Variants in SLC30A6 observed in about 807,000 individuals in gnomAD.
SLC30A6 encodes solute carrier family 30 member 6.
A neutral mutation model predicts 63.0 loss-of-function variants in SLC30A6; 55 were observed. The observed-to-expected ratio is 0.87, with a 90% CI of 0.70 to 1.09. SLC30A6 has a LOEUF of 1.09. Ranked by LOEUF, SLC30A6 falls within the 50% of genes least tolerant of loss-of-function variation. SLC30A6 has a pLI of 0.00. For missense variants in SLC30A6, 587 were observed against 549.2 expected (o/e 1.07, Z -0.69); for synonymous variants, 224 against 186.1 (o/e 1.20, Z -1.66).
intron 13 of SLC30A6, among the ~76,000 whole-genome samples, chr2:32,211,937 A>C (rs988448865): frequency 6.6e-6 from 1 of 152,156 alleles, no homozygotes; most frequent in Non-Finnish European, 1.5e-5. Context: ...CACGCTTTTG[A>C]TAATGCTGTT....
intron 4 of SLC30A6, among the ~76,000 whole-genome samples, chr2:32,175,885 C>G (rs6724014): frequency 6.6e-6 from 1 of 151,988 alleles, no homozygotes; most frequent in African/African-American, 2.4e-5. Context: ...AGGCATAAGA[C>G]TTGCTTGGAC....
rs755069292 is a variant in SLC30A6, at chr2:32,197,751, G to A, written c.590G>A (p.Arg197Gln). Reference protein sequence around the residue: ...IPGLSSIFLPRMNPFVLIDLA... With the variant: ...IPGLSSIFLPQMNPFVLIDLA... ...GGACTTAGCAGTATCTTCCTTCCCCGAATGAATCCATTTGTTTTGATTGAT... is the reference window on the plus strand; with the variant it reads ...GGACTTAGCAGTATCTTCCTTCCCCAAATGAATCCATTTGTTTTGATTGAT... The change falls in exon 10 of 14, where the codon CGA (arginine) becomes CAA (glutamine). Residue 197 changes from arginine to glutamine, a missense_variant. By Grantham distance (43) the Arg-to-Gln change is conservative. Coordinates refer to ENST00000282587, the MANE Select transcript of SLC30A6 (RefSeq NM_017964.5). 2.3e-5 allele frequency: 37 copies of A among 1,613,886 alleles called. No homozygotes were observed. The highest frequency in any genetic ancestry group is 5.5e-5 in the South Asian group (5 of 91,084).
chr2:32,197,524 C>A, intron 9 of SLC30A6, 132 bp downstream of exon 9: 1 of 1,237,770 alleles, frequency 8.1e-7, no homozygotes, highest in Non-Finnish European at 1.1e-6. Context: ...GTTATTCTCC[C>A]TTTACTTTTT....
At position 32,222,186 on chromosome 2, in the gene SLC30A6, A is replaced by C. The variant is rs1686178675; in HGVS notation, c.*1473A>C. ...TGTTTTCCAAATGCAGAGTTTAAGG[A>C]CTTTCTAACATGGCTAGTATTACTT... On this transcript the variant is annotated 3_prime_UTR_variant, in exon 14 of 14. Transcript: ENST00000282587. The C allele has an allele frequency of 6.6e-6, 1 of 152,178 alleles. No individual in the cohort carries two copies. The highest frequency in any genetic ancestry group is 6.6e-5 in the Admixed American group (1 of 15,262). 9.4% of individuals were successfully genotyped at this position (152,178 alleles called of 1,614,324 possible).
At chr2:32,169,079 C>G (rs1465636076) in intron 1 of SLC30A6, among the ~76,000 whole-genome samples, 2 of 151,806 alleles carry the variant, frequency 1.3e-5, no homozygotes, top group African/African-American at 2.4e-5. Context: ...ATCTTTGGAA[C>G]CAAAATAACT....
chr2:32,196,459 T>G (rs905944659), intron 8 of SLC30A6, among the ~76,000 whole-genome samples: 1 of 152,160 alleles, frequency 6.6e-6, no homozygotes, highest in Non-Finnish European at 1.5e-5. Context: ...GGTACCCAGG[T>G]TCTCACCTGG....
At chr2:32,218,381 A>G (rs572585061) in intron 13 of SLC30A6, among the ~76,000 whole-genome samples, 2 of 152,324 alleles carry the variant, frequency 1.3e-5, no homozygotes, top group South Asian at 2.1e-4. Context: ...AGAAGCCTTG[A>G]TATCATCTTT....
rs1265381192 is a variant in SLC30A6 at position 32,204,596 on chromosome 2, T to G, written c.672T>G (p.Tyr224Ter). 2.5e-6 allele frequency: 4 copies of G among 1,608,686 alleles called. No homozygotes were observed. The highest frequency in any genetic ancestry group is 3.4e-6 in the Non-Finnish European group (4 of 1,176,318). ...ITYMLIEINNYFAVDTASAIA... is the reference protein window; with the variant it reads ...ITYMLIEINN ...AATTGTTTTTTCCTTTTAGTAATTA[T>G]TTTGCCGTAGACACTGCCTCTGCTA... is the stretch of plus-strand genomic sequence containing the variant. The change falls in exon 11 of 14, where the codon TAT (tyrosine) becomes TAG (stop). Residue 224 changes from tyrosine (Y) to a stop codon, truncating the protein, a stop_gained. Coordinates refer to ENST00000282587, the MANE Select transcript of SLC30A6 (RefSeq NM_017964.5). LOFTEE classifies it high-confidence loss of function.
intron 8 of SLC30A6, among the ~76,000 whole-genome samples, chr2:32,194,322 A>G (rs1683590680): frequency 6.6e-6 from 1 of 152,234 alleles, no homozygotes; most frequent in African/African-American, 2.4e-5. Flanking sequence ...GTATCAGTAT[A>G]CTTAGAATTC....
chr2:32,191,900 T>C (rs1458183482), intron 5 of SLC30A6, among the ~76,000 whole-genome samples: 1 of 152,120 alleles, frequency 6.6e-6, no homozygotes, highest in Non-Finnish European at 1.5e-5. Context: ...GTAATTCTAA[T>C]AAGGGGTTGG....
intron 4 of SLC30A6, among the ~76,000 whole-genome samples, chr2:32,176,206 T>C (rs1681722763): frequency 2.6e-5 from 4 of 152,048 alleles, no homozygotes; most frequent in Non-Finnish European, 5.9e-5. Context: ...TAAATGACAC[T>C]TATGAAAAGT....
At chr2:32,196,118 G>T (rs1455722589) in intron 8 of SLC30A6, among the ~76,000 whole-genome samples, 1 of 152,092 alleles carries the variant, frequency 6.6e-6, no homozygotes, top group Non-Finnish European at 1.5e-5. Context: ...TTTGAGACCG[G>T]CCTGGCCAAC....
At chr2:32,192,986 T>A in intron 7 of SLC30A6, 33 bp downstream of exon 7, 1 of 1,324,238 alleles carries the variant, frequency 7.6e-7, no homozygotes, top group South Asian at 1.4e-5. Context: ...TAATTTACTA[T>A]TGATTCTTAA....
intron 1 of SLC30A6, among the ~76,000 whole-genome samples, chr2:32,167,567 T>G (rs1174863348): frequency 6.6e-6 from 1 of 152,126 alleles, no homozygotes; most frequent in Non-Finnish European, 1.5e-5. Context: ...TTATATATCC[T>G]TAATTATTTT....
intron 8 of SLC30A6, among the ~76,000 whole-genome samples, chr2:32,196,176 A>G (rs1055395960): frequency 1.3e-5 from 2 of 152,082 alleles, no homozygotes; most frequent in African/African-American, 4.8e-5. Flanking sequence ...TTAGCCGGGC[A>G]TGGTGGCAGG....
At chr2:32,181,998 G>A (rs1682367158) in intron 4 of SLC30A6, among the ~76,000 whole-genome samples, 1 of 140,904 alleles carries the variant, frequency 7.1e-6, no homozygotes, top group Non-Finnish European at 1.5e-5. Context: ...CAGTGACATA[G>A]TCATGGCTCA....
rs1283646700 is a variant in SLC30A6 at position 32,203,297 on chromosome 2, C to T, written c.666-1293C>T. 1.3e-5 allele frequency: 12 copies of T among 923,214 alleles called. No homozygotes were observed. In the Admixed American group the frequency reaches 2.0e-4, roughly 16 times the overall value. 57.2% of individuals were successfully genotyped at this position (923,214 alleles called of 1,614,324 possible). A position where few individuals can be genotyped will look rare whatever the true frequency, so the allele number is the denominator to read the frequency against. ...TTATCAACCAAGAGAAAGAGGTCAA[C>T]TAAGATATGTGGAACAAAAAGTAGG... On this transcript the variant is annotated intron_variant, in intron 10 of 13. Coordinates refer to ENST00000282587, the MANE Select transcript of SLC30A6 (RefSeq NM_017964.5).
Position 32,187,448 on chromosome 2 carries a change from C to T in SLC30A6, c.284+3110C>T, listed in dbSNP as rs568118158. The T allele has an allele frequency of 1.9e-4, 64 of 338,456 alleles. 1 individual carries two copies. Among genetic ancestry groups the T allele is most frequent in the South Asian group, 6.2e-4 (26 of 41,768 alleles). 21.0% of individuals were successfully genotyped at this position (338,456 alleles called of 1,614,324 possible). ...AGTTACTGTGGATAGAAGACAAGGTCGTGTAAGGACATGACAGCTCCCATT... is the reference window on the plus strand; with the variant it reads ...AGTTACTGTGGATAGAAGACAAGGTTGTGTAAGGACATGACAGCTCCCATT... On this transcript the variant is annotated intron_variant, in intron 5 of 13. Coordinates refer to ENST00000282587, the MANE Select transcript of SLC30A6 (RefSeq NM_017964.5).
chr2:32,187,071 T>C, intron 5 of SLC30A6: 11 of 400,964 alleles, frequency 2.7e-5, no homozygotes, highest in South Asian at 2.0e-4. Flanking sequence ...TTACAATTTA[T>C]GTAACCAAAC....
Sources: allele counts gnomAD v4.1 joint callset (sites outside exome capture counted in the v4.1 genomes callset), GRCh38; gene constraint gnomAD v4.1.1; transcripts MANE v1.5; gene names NCBI Gene and HGNC (gene_info 2026-07-23, HGNC 2026-07-21).